Variants in MAP3K20 observed in about 807,000 individuals in gnomAD.
MAP3K20 encodes HCCS-4.
Under a neutral mutation model 85.7 loss-of-function variants are expected in MAP3K20, and 40 were observed. That is an observed-to-expected ratio of 0.47 (90% CI 0.36 to 0.61). MAP3K20 has a LOEUF of 0.61. Among genes scored for constraint, MAP3K20 ranks in the 20% least tolerant of loss-of-function variants. The probability of loss-of-function intolerance (pLI) is 0.00; values close to 1 mark genes in which losing one functional copy is unlikely to be tolerated. For synonymous variants in MAP3K20, 325 were observed against 327.7 expected (o/e 0.99, Z 0.09); for missense variants, 817 against 961.7 (o/e 0.85, Z 1.99).
chr2:173,209,120 C>T (rs1475485536), intron 9 of MAP3K20, among the ~76,000 whole-genome samples: 1 of 152,062 alleles, frequency 6.6e-6, no homozygotes, highest in Non-Finnish European at 1.5e-5. Context: ...CACATGGCCA[C>T]GTTTGTTATA....
intron 14 of MAP3K20, among the ~76,000 whole-genome samples, chr2:173,237,693 A>G (rs1202009072): frequency 6.6e-6 from 1 of 152,154 alleles, no homozygotes; most frequent in African/African-American, 2.4e-5. Context: ...TTATAATGCA[A>G]TCAACCTTTT....
At chr2:173,082,735 A>G (rs959081670) in intron 1 of MAP3K20, among the ~76,000 whole-genome samples, 14 of 152,174 alleles carry the variant, frequency 9.2e-5, no homozygotes, top group African/African-American at 3.4e-4. Context: ...CTCTGGCCCC[A>G]TTCTCTTCCT....
chr2:173,162,039 A>G (rs1015069869), intron 2 of MAP3K20, among the ~76,000 whole-genome samples: 1 of 152,228 alleles, frequency 6.6e-6, no homozygotes, highest in African/African-American at 2.4e-5. Flanking sequence ...TTCTGATTAT[A>G]AAAATTACAT....
intron 16 of MAP3K20, among the ~76,000 whole-genome samples, chr2:173,246,500 A>AT (rs1684917456): frequency 6.6e-6 from 1 of 152,178 alleles, no homozygotes; most frequent in Non-Finnish European, 1.5e-5. Context: ...TTTTATTATT[A>AT]TATCTCTTAT....
At position 173,190,924 on chromosome 2, in the gene MAP3K20, G is replaced by GT. The variant is rs1690629424; in HGVS notation, c.444+2dup. ...TATAGCTGCTGATGGAGTATTGAAG[G>GT]TAGGACTATTTCTTTTACTTAAAAA... On this transcript the variant is annotated splice_donor_variant, in intron 6 of 19. Transcript: ENST00000375213. LOFTEE classifies it high-confidence loss of function. 2 of 1,601,000 alleles carry GT rather than the reference G, an allele frequency of 1.2e-6. No individual in the cohort carries two copies. Among genetic ancestry groups the GT allele is most frequent in the African/African-American group, 2.7e-5 (2 of 74,080 alleles).
intron 9 of MAP3K20, among the ~76,000 whole-genome samples, chr2:173,206,207 C>T (rs1423346957): frequency 6.6e-6 from 1 of 152,162 alleles, no homozygotes; most frequent in African/African-American, 2.4e-5. Context: ...GCACTCAGTA[C>T]CACATTAATT....
intron 2 of MAP3K20, among the ~76,000 whole-genome samples, chr2:173,169,584 G>A (rs971025560): frequency 4.0e-5 from 6 of 151,876 alleles, no homozygotes; most frequent in Non-Finnish European, 8.8e-5. Context: ...GCTGAGTGTA[G>A]TGGTGTGTGC....
Position 173,090,869 on chromosome 2 carries a change from C to T in MAP3K20, c.-34-129C>T, listed in dbSNP as rs115450259. The T allele has an allele frequency of 1.7e-3, 2,276 of 1,356,312 alleles. 29 individuals carry two copies. In the African/African-American group the frequency reaches 0.031, roughly 18 times the overall value. 84.0% of individuals were successfully genotyped at this position (1,356,312 alleles called of 1,614,324 possible). A position where few individuals can be genotyped will look rare whatever the true frequency, so the allele number is the denominator to read the frequency against. On this transcript the variant is annotated intron_variant, in intron 1 of 19. Coordinates refer to ENST00000375213, the MANE Select transcript of MAP3K20 (RefSeq NM_016653.3). ...AATTGTTTATAATCTTGCTTTTCTT[C>T]TTCCTAAGTCACCGTGACTTTCTGG... is the stretch of plus-strand genomic sequence containing the variant.
chr2:173,138,223 C>T (rs1688855821), intron 2 of MAP3K20, among the ~76,000 whole-genome samples: 1 of 152,162 alleles, frequency 6.6e-6, no homozygotes, highest in Admixed American at 6.5e-5. Context: ...CCCGCCTCGG[C>T]CTCCCAAAGT....
At position 173,118,835 on chromosome 2, in the gene MAP3K20, T is replaced by C. The variant is rs953204059; in HGVS notation, c.159+27645T>C. Among the ~76,000 whole-genome samples the C allele has an allele frequency of 6.6e-5, 10 of 152,282 alleles. No homozygotes were observed. The South Asian group carries it at 8.3e-4, about 13-fold the overall frequency. On this transcript the variant is annotated intron_variant, in intron 2 of 19. Transcript: ENST00000375213. ...AGAAATTACAACTTTATCCTGTCAT[T>C]TTCTTAAAATGTTATCAAATTAATG...
At chr2:173,183,034 A>G in intron 4 of MAP3K20, 79 bp downstream of exon 4, 2 of 1,127,662 alleles carry the variant, frequency 1.8e-6, no homozygotes, top group Non-Finnish European at 1.3e-6. Flanking sequence ...ACATCAGAAA[A>G]TGTTTTATTC....
intron 2 of MAP3K20, among the ~76,000 whole-genome samples, chr2:173,127,853 T>A (rs532235075): frequency 1.3e-5 from 2 of 152,264 alleles, no homozygotes; most frequent in Non-Finnish European, 2.9e-5. Context: ...TTGGGCTGAG[T>A]GCCCTGTGTG....
chr2:173,256,851 T>C lies in MAP3K20; in HGVS notation c.1360-1848T>C, dbSNP rs1238536444. 2.0e-5 allele frequency among the ~76,000 whole-genome samples: 3 copies of C among 152,278 alleles called. No individual in the cohort carries two copies. In the East Asian group the frequency reaches 5.8e-4, roughly 29 times the overall value. ...ATACTTCCTCCTAAATATTTCAGTGTGCTAGAATAAGAAATGCAGTTCAGG... is the reference window on the plus strand; with the variant it reads ...ATACTTCCTCCTAAATATTTCAGTGCGCTAGAATAAGAAATGCAGTTCAGG... On this transcript the variant is annotated intron_variant, in intron 16 of 19. Coordinates refer to ENST00000375213, the MANE Select transcript of MAP3K20 (RefSeq NM_016653.3).
At chr2:173,221,094 A>T in intron 11 of MAP3K20, 1 of 1,407,466 alleles carries the variant, frequency 7.1e-7, no homozygotes, top group Non-Finnish European at 9.3e-7. Flanking sequence ...TATTTTCCTG[A>T]TTTAAATTGG....
At chr2:173,228,412 C>T (rs1477595394) in intron 11 of MAP3K20, among the ~76,000 whole-genome samples, 2 of 152,152 alleles carry the variant, frequency 1.3e-5, no homozygotes, top group African/African-American at 4.8e-5. Flanking sequence ...TCAAGCCGTG[C>T]TGCCCTCCAT....
At chr2:173,127,806 T>C (rs72906970) in intron 2 of MAP3K20, among the ~76,000 whole-genome samples, 3,873 of 152,128 alleles carry the variant, frequency 0.025, 86 homozygotes, top group Non-Finnish European at 0.033. Context: ...TAAGAATACC[T>C]GCAATCCCTT....
chr2:173,241,480 G>A (rs1324532373), intron 16 of MAP3K20, among the ~76,000 whole-genome samples: 3 of 152,048 alleles, frequency 2.0e-5, no homozygotes, highest in African/African-American at 7.2e-5. Context: ...GGGTGTAGTC[G>A]TGTAAGCCTG....
chr2:173,082,402 G>T (rs1687036800), intron 1 of MAP3K20, among the ~76,000 whole-genome samples: 1 of 152,012 alleles, frequency 6.6e-6, no homozygotes, highest in South Asian at 2.1e-4. Flanking sequence ...TTACATTGAG[G>T]TTACCATGTT....
intron 2 of MAP3K20, among the ~76,000 whole-genome samples, chr2:173,155,808 G>A (rs915716230): frequency 6.6e-6 from 1 of 152,132 alleles, no homozygotes; most frequent in Non-Finnish European, 1.5e-5. Flanking sequence ...TCCATTAAAC[G>A]GAACCTTGAT....
Sources: gnomAD v4.1 joint callset for allele counts (sites outside exome capture counted in the v4.1 genomes callset) on GRCh38, gnomAD v4.1.1 for gene constraint, MANE v1.5 for transcripts, NCBI Gene and HGNC (gene_info 2026-07-23, HGNC 2026-07-21) for gene names.